Variants in RFTN1 observed in about 807,000 individuals in gnomAD.
RFTN1 encodes the protein raftlin.
RFTN1 carries 26 observed loss-of-function variants against 46.5 expected under a neutral mutation model. That is an observed-to-expected ratio of 0.56 (90% CI 0.41 to 0.78). The LOEUF (loss-of-function observed/expected upper bound fraction) is 0.78, where lower values mean the gene tolerates loss of function less well. RFTN1 is among the 30% of genes least tolerant of loss of function. RFTN1 has a pLI of 0.00. For synonymous variants in RFTN1, 261 were observed against 284.2 expected (o/e 0.92, Z 0.82); for missense variants, 693 against 718.7 (o/e 0.96, Z 0.41).
Position 16,429,379 on chromosome 3 carries a change from T to C in RFTN1, c.332+4472A>G, listed in dbSNP as rs6767555. 1.1e-3 allele frequency among the ~76,000 whole-genome samples: 162 copies of C among 152,302 alleles called. No homozygotes were observed. The highest frequency in any genetic ancestry group is 3.9e-3 in the African/African-American group (160 of 41,548). ...TACTAGAAAACATTTCATTAGGAGA[T>C]TTAAATAAACTCTTCCTGCCTCATG... On this transcript the variant is annotated intron_variant, in intron 3 of 9. Transcript: ENST00000334133. This position sits in a 1 kb window ranked among gnomAD's most constrained non-coding sequence, Gnocchi z 6.4.
rs1394648231 is a variant in RFTN1, at chr3:16,383,844, G to A, written c.442-5742C>T. The stretch of plus-strand genomic sequence containing the variant: ...TCCACAGCCTGTAGTAGATAGCATG[G>A]GTAAAGAGTCAGAGACACTTCCAAG... On this transcript the variant is annotated intron_variant, in intron 4 of 9. Coordinates refer to ENST00000334133, the MANE Select transcript of RFTN1 (RefSeq NM_015150.2). This position sits in a 1 kb window ranked among gnomAD's most constrained non-coding sequence, Gnocchi z 4.0. Among the ~76,000 whole-genome samples the A allele has an allele frequency of 6.6e-6, 1 of 152,150 alleles. No individual in the cohort carries two copies. Among genetic ancestry groups the A allele is most frequent in the African/African-American group, 2.4e-5 (1 of 41,436 alleles).
In RFTN1 at chr3:16,473,402, CT is replaced by C. The variant is rs5846924; in HGVS notation, c.145+20322del. 1.6e-3 allele frequency among the ~76,000 whole-genome samples: 225 copies of C among 144,586 alleles called. No homozygotes were observed. The highest frequency in any genetic ancestry group is 2.0e-3 in the Non-Finnish European group (134 of 65,464). 94.9% of individuals were successfully genotyped at this position (144,586 alleles called of 152,430 possible). A position where few individuals can be genotyped will look rare whatever the true frequency, so the allele number is the denominator to read the frequency against. ...AAATACTCTGTTTTCTTTCTTTTTT[CT>C]TTTTTTTTTTTTCCTGAGATAGAGT... On this transcript the variant is annotated intron_variant, in intron 2 of 9. Transcript: ENST00000334133. This position sits in a 1 kb window ranked among gnomAD's most constrained non-coding sequence, Gnocchi z 5.3.
chr3:16,415,840 C>T lies in RFTN1; in HGVS notation c.333-6357G>A, dbSNP rs73816429. On this transcript the variant is annotated intron_variant, in intron 3 of 9. Coordinates refer to ENST00000334133, the MANE Select transcript of RFTN1 (RefSeq NM_015150.2). Reference sequence around the variant, plus strand: ...TCCAAGTTACTTATCCTCTTGAAATCCCAAGAGGGAAACTGAATTTAATCC... The same window carrying T: ...TCCAAGTTACTTATCCTCTTGAAATTCCAAGAGGGAAACTGAATTTAATCC... 6.3e-3 allele frequency among the ~76,000 whole-genome samples: 959 copies of T among 152,194 alleles called. 14 individuals carry two copies. The highest frequency in any genetic ancestry group is 0.022 in the African/African-American group (898 of 41,528).
At chr3:16,469,904 C>T (rs577314517) in intron 2 of RFTN1, among the ~76,000 whole-genome samples, 31 of 152,312 alleles carry the variant, frequency 2.0e-4, no homozygotes, top group Middle Eastern at 3.4e-3. Context: ...CTGCCCCAGC[C>T]GCTCCAGATA....
chr3:16,432,135 C>G (rs1028047320), intron 3 of RFTN1, among the ~76,000 whole-genome samples: 2 of 152,170 alleles, frequency 1.3e-5, no homozygotes, highest in African/African-American at 4.8e-5. Flanking sequence ...TTATACATAT[C>G]CTATGTGTCA....
rs1221836248 is a variant in RFTN1 at position 16,384,967 on chromosome 3, TTC to T, written c.442-6867_442-6866del. On this transcript the variant is annotated intron_variant, in intron 4 of 9. Transcript: ENST00000334133. This position sits in a 1 kb window ranked among gnomAD's most constrained non-coding sequence, Gnocchi z 4.7. ...GAATAATAGAGTTTTTGACAGTGAT[TTC>T]TGAGGCATATAATATGGGGTAAATC... is the stretch of plus-strand genomic sequence containing the variant. Among the ~76,000 whole-genome samples, 1 of 152,150 alleles carries T rather than the reference TTC, an allele frequency of 6.6e-6. No individual in the cohort carries two copies. The highest frequency in any genetic ancestry group is 1.5e-5 in the Non-Finnish European group (1 of 68,034).
At chr3:16,415,060 G>A (rs188521496) in intron 3 of RFTN1, among the ~76,000 whole-genome samples, 38 of 152,282 alleles carry the variant, frequency 2.5e-4, no homozygotes, top group Non-Finnish European at 4.9e-4. Context: ...GGGGCAGCCA[G>A]AAGCCCATCT....
In RFTN1 at chr3:16,457,981, C is replaced by A. The variant is rs998257002; in HGVS notation, c.146-23944G>T. Among the ~76,000 whole-genome samples the A allele has an allele frequency of 6.6e-6, 1 of 152,108 alleles. No individual in the cohort carries two copies. The highest frequency in any genetic ancestry group is 2.4e-5 in the African/African-American group (1 of 41,410). ...ACCATGTGAGGACACAGCATTCCAC[C>A]CCTCTGGAGGATGCAAAAACAAGTC... On this transcript the variant is annotated intron_variant, in intron 2 of 9. Coordinates refer to ENST00000334133, the MANE Select transcript of RFTN1 (RefSeq NM_015150.2). This position sits in a 1 kb window ranked among gnomAD's most constrained non-coding sequence, Gnocchi z 4.2.
rs775636766 is a variant in RFTN1, at chr3:16,356,591, C to G, written c.1146+1341G>C. ...CCCGGGGGACATCCAACTCACCCCC[C>G]ACCATCCCATCTCCACTTCAATAAC... On this transcript the variant is annotated intron_variant, in intron 7 of 9. Transcript: ENST00000334133. This position sits in a 1 kb window ranked among gnomAD's most constrained non-coding sequence, Gnocchi z 4.9. Among the ~76,000 whole-genome samples the G allele has an allele frequency of 6.6e-6, 1 of 152,224 alleles. No individual in the cohort carries two copies. The highest frequency in any genetic ancestry group is 1.5e-5 in the Non-Finnish European group (1 of 68,038).
At position 16,382,451 on chromosome 3, in the gene RFTN1, A is replaced by C. The variant is rs577250384; in HGVS notation, c.442-4349T>G. ...TTACTGAGCCAGTCTCACATTCATCATGGTGGTGGGCATGCGATGTATTCA... is the reference window on the plus strand; with the variant it reads ...TTACTGAGCCAGTCTCACATTCATCCTGGTGGTGGGCATGCGATGTATTCA... On this transcript the variant is annotated intron_variant, in intron 4 of 9. Transcript: ENST00000334133. This position sits in a 1 kb window ranked among gnomAD's most constrained non-coding sequence, Gnocchi z 4.7. Among the ~76,000 whole-genome samples, 1 of 152,130 alleles carries C rather than the reference A, an allele frequency of 6.6e-6. No homozygotes were observed. The highest frequency in any genetic ancestry group is 1.5e-5 in the Non-Finnish European group (1 of 68,022).
intron 2 of RFTN1, among the ~76,000 whole-genome samples, chr3:16,455,456 GC>G (rs2075889692): frequency 6.6e-6 from 1 of 152,176 alleles, no homozygotes; most frequent in African/African-American, 2.4e-5. Flanking sequence ...TGACAAGCAT[GC>G]AAATTAACAC....
rs1411742281 is a variant in RFTN1, at chr3:16,493,739, GTGA to G, written c.128_130del (p.Phe43_Thr44delinsSer). The stretch of plus-strand genomic sequence containing the variant: ...CATGTACTCACCAGCACTCAGAGTC[GTGA>G]ACTCCAGGAAGCGGTATTCATAGGA... On this transcript the variant is annotated inframe_deletion, in exon 2 of 10. Transcript: ENST00000334133. 1.9e-6 allele frequency: 3 copies of G among 1,609,912 alleles called. No homozygotes were observed. Among genetic ancestry groups the G allele is most frequent in the Non-Finnish European group, 2.5e-6 (3 of 1,178,668 alleles).
chr3:16,381,975 T>G lies in RFTN1; in HGVS notation c.442-3873A>C, dbSNP rs2125385857. On this transcript the variant is annotated intron_variant, in intron 4 of 9. Transcript: ENST00000334133. The surrounding 1 kb of genome is among the most constrained non-coding windows in gnomAD (Gnocchi z 4.2). ...TGCAAGATTTCTTCGAATGCTCATCTTTTACCTTCAACTTCAGCACAAATT... is the reference window on the plus strand; with the variant it reads ...TGCAAGATTTCTTCGAATGCTCATCGTTTACCTTCAACTTCAGCACAAATT... 6.6e-6 allele frequency among the ~76,000 whole-genome samples: 1 copy of G among 152,312 alleles called. No homozygotes were observed. The highest frequency in any genetic ancestry group is 2.1e-4 in the South Asian group (1 of 4,830).
In RFTN1 at chr3:16,384,226, C is replaced by G. The variant is rs12495830; in HGVS notation, c.442-6124G>C. 0.036 allele frequency among the ~76,000 whole-genome samples: 5,431 copies of G among 152,288 alleles called. 138 individuals are homozygous for G. Among genetic ancestry groups the G allele is most frequent in the Middle Eastern group, 0.078 (23 of 294 alleles). On this transcript the variant is annotated intron_variant, in intron 4 of 9. Coordinates refer to ENST00000334133, the MANE Select transcript of RFTN1 (RefSeq NM_015150.2). The surrounding 1 kb of genome is among the most constrained non-coding windows in gnomAD (Gnocchi z 4.7). ...CTGAATGTCCAGTCTGCTGGACTGC[C>G]CTGCAGATGTCAGACTTGTTGGCCC... is the stretch of plus-strand genomic sequence containing the variant.
rs149141757 is a variant in RFTN1, at chr3:16,323,473, C to T, written c.1251-16G>A. 1 of 1,602,366 alleles carries T rather than the reference C, an allele frequency of 6.2e-7. No individual in the cohort carries two copies. Among genetic ancestry groups the T allele is most frequent in the Admixed American group, 1.7e-5 (1 of 59,642 alleles). On this transcript the variant is annotated splice_polypyrimidine_tract_variant and intron_variant, in intron 8 of 9. Transcript: ENST00000334133. Reference sequence around the variant, plus strand: ...ACTCCCCTCGCTGTAACACACGGAGCTGAGAATGAGCCACTTTATGCCTTA... The same window carrying T: ...ACTCCCCTCGCTGTAACACACGGAGTTGAGAATGAGCCACTTTATGCCTTA...
Position 16,341,582 on chromosome 3 carries a change from G to C in RFTN1, c.1147-14706C>G, listed in dbSNP as rs557228051. On this transcript the variant is annotated intron_variant, in intron 7 of 9. Coordinates refer to ENST00000334133, the MANE Select transcript of RFTN1 (RefSeq NM_015150.2). This position sits in a 1 kb window ranked among gnomAD's most constrained non-coding sequence, Gnocchi z 4.7. ...ATGGGAACTCTGTAGATTCAGTTCAGTTTTGCTATGAACCTAAAACTACTC... is the reference window on the plus strand; with the variant it reads ...ATGGGAACTCTGTAGATTCAGTTCACTTTTGCTATGAACCTAAAACTACTC... 1.3e-5 allele frequency among the ~76,000 whole-genome samples: 2 copies of C among 152,162 alleles called. No individual in the cohort carries two copies. The highest frequency in any genetic ancestry group is 2.4e-5 in the African/African-American group (1 of 41,534).
At position 16,321,803 on chromosome 3, in the gene RFTN1, C is replaced by T. The variant is rs1226946308; in HGVS notation, c.1332+1573G>A. Among the ~76,000 whole-genome samples the T allele has an allele frequency of 6.6e-6, 1 of 152,208 alleles. No homozygotes were observed. Among genetic ancestry groups the T allele is most frequent in the Non-Finnish European group, 1.5e-5 (1 of 68,030 alleles). ...GGGTCCCATCCTCTCTGAATTTTCC[C>T]TGAGGAGAGTCAGTTCAACCTTATT... On this transcript the variant is annotated intron_variant, in intron 9 of 9. Transcript: ENST00000334133. This position sits in a 1 kb window ranked among gnomAD's most constrained non-coding sequence, Gnocchi z 4.8.
intron 7 of RFTN1, among the ~76,000 whole-genome samples, chr3:16,328,565 C>G (rs1452779382): frequency 2.6e-5 from 4 of 152,234 alleles, no homozygotes; most frequent in Non-Finnish European, 5.9e-5. Context: ...GGCAGCCTCC[C>G]TTTCCTCCGC....
rs144806586 is a variant in RFTN1 at position 16,369,052 on chromosome 3, G to C, written c.1030+1024C>G. Among the ~76,000 whole-genome samples, 1,069 of 152,286 alleles carry C rather than the reference G, an allele frequency of 7.0e-3. 20 individuals are homozygous for C. Among genetic ancestry groups the C allele is most frequent in the African/African-American group, 0.025 (1,029 of 41,548 alleles). The stretch of plus-strand genomic sequence containing the variant: ...CTACTATGATAACGTGTCAATATTA[G>C]TCAATGATACTTAGATAGAGACTCG... On this transcript the variant is annotated intron_variant, in intron 6 of 9. Coordinates refer to ENST00000334133, the MANE Select transcript of RFTN1 (RefSeq NM_015150.2).
Sources: allele counts gnomAD v4.1 joint callset (sites outside exome capture counted in the v4.1 genomes callset), GRCh38; gene constraint gnomAD v4.1.1; non-coding constraint Gnocchi (gnomAD v3.1); transcripts MANE v1.5; gene names NCBI Gene and HGNC (gene_info 2026-07-23, HGNC 2026-07-21).